Variants in ASB18 observed in about 807,000 individuals in gnomAD.
ASB18 encodes ankyrin repeat and SOCS box protein 18.
A neutral mutation model predicts 33.4 loss-of-function variants in ASB18; 33 were observed. That is an observed-to-expected ratio of 0.99 (90% CI 0.75 to 1.32). The LOEUF is 1.32. Ranked by LOEUF, ASB18 falls within the 40% of genes most tolerant of loss-of-function variation. The pLI, the probability that ASB18 is intolerant of heterozygous loss-of-function variation, is 0.00. For missense variants in ASB18, 694 were observed against 655.5 expected (o/e 1.06, Z -0.64); for synonymous variants, 295 against 307.6 (o/e 0.96, Z 0.43).
intron 4 of ASB18, among the ~76,000 whole-genome samples, chr2:236,212,411 G>A (rs1309469031): frequency 3.3e-5 from 5 of 152,170 alleles, no homozygotes; most frequent in Non-Finnish European, 1.5e-5. Context: ...CTGTGGGGCT[G>A]CCCCTAGGAT....
rs2060447945 is a variant in ASB18 at position 236,209,266 on chromosome 2, G to C, written c.1101+5096C>G. 1.4e-5 allele frequency among the ~76,000 whole-genome samples: 2 copies of C among 147,706 alleles called. No individual in the cohort carries two copies. Among genetic ancestry groups the C allele is most frequent in the Non-Finnish European group, 3.0e-5 (2 of 67,014 alleles). ...GACCAGAGATTTGCAGATGTTTCTA[G>C]AATCTGCTTTTTTTTTTTTTTTTTA... On this transcript the variant is annotated intron_variant, in intron 4 of 5. Transcript: ENST00000409749. The surrounding 1 kb of genome is among the most constrained non-coding windows in gnomAD (Gnocchi z 4.4).
chr2:236,237,881 C>T lies in ASB18; in HGVS notation c.404G>A (p.Cys135Tyr). ...CIAAAHGHTACVRHLLGRGAD... is the reference protein window; with the variant it reads ...CIAAAHGHTAYVRHLLGRGAD... Reference sequence around the variant, plus strand: ...GCCGCGGCCGAGCAGGTGTCGCACGCAGGCGGTGTGGCCGTGGGCCGCGGC... The same window carrying T: ...GCCGCGGCCGAGCAGGTGTCGCACGTAGGCGGTGTGGCCGTGGGCCGCGGC... The change falls in exon 3 of 6, where the codon TGC becomes TAC. Residue 135 changes from cysteine to tyrosine, a missense_variant. Physicochemically the swap from Cys to Tyr is radical, Grantham distance 194 (BLOSUM62 -2). Transcript: ENST00000409749. This position sits in a 1 kb window ranked among gnomAD's most constrained non-coding sequence, Gnocchi z 6.2. 6.7e-7 allele frequency: 1 copy of T among 1,489,524 alleles called. No individual in the cohort carries two copies. The highest frequency in any genetic ancestry group is 8.9e-7 in the Non-Finnish European group (1 of 1,127,512). The allele number at this position is 1,489,524 out of a possible 1,614,324, so 92.3% of individuals were successfully genotyped here.
intron 3 of ASB18, among the ~76,000 whole-genome samples, chr2:236,236,962 A>G (rs2060594535): frequency 1.3e-5 from 2 of 152,140 alleles, no homozygotes; most frequent in Admixed American, 1.3e-4. Context: ...GTGCAAAGAC[A>G]GGTGGCCCCG....
intron 4 of ASB18, among the ~76,000 whole-genome samples, chr2:236,206,993 T>C (rs1400887513): frequency 6.6e-6 from 1 of 152,196 alleles, no homozygotes; most frequent in Non-Finnish European, 1.5e-5. Flanking sequence ...CAGGTGCTGC[T>C]GGTGAAGCTA....
At position 236,255,377 on chromosome 2, in the gene ASB18, C is replaced by G. The variant is rs1009660581; in HGVS notation, c.205+8764G>C. 1.3e-5 allele frequency among the ~76,000 whole-genome samples: 2 copies of G among 152,156 alleles called. No homozygotes were observed. Among genetic ancestry groups the G allele is most frequent in the South Asian group, 2.1e-4 (1 of 4,830 alleles). The stretch of plus-strand genomic sequence containing the variant: ...CAGACTGGTCTTGAACTCCTGACCT[C>G]AGGTGATCTGCCCCCCTCGGCCTAT... On this transcript the variant is annotated intron_variant, in intron 1 of 5. Transcript: ENST00000409749. The surrounding 1 kb of genome is among the most constrained non-coding windows in gnomAD (Gnocchi z 4.4).
At position 236,204,867 on chromosome 2, in the gene ASB18, T is replaced by C. The variant is rs944575739; in HGVS notation, c.1102-8482A>G. 3.3e-5 allele frequency among the ~76,000 whole-genome samples: 5 copies of C among 152,174 alleles called. No homozygotes were observed. Among genetic ancestry groups the C allele is most frequent in the South Asian group, 4.1e-4 (2 of 4,824 alleles). Reference sequence around the variant, plus strand: ...CATAACCTGCCCCATTCCCAAGTGATAGCAAACTCATTCTTGCAGTCTCTT... The same window carrying C: ...CATAACCTGCCCCATTCCCAAGTGACAGCAAACTCATTCTTGCAGTCTCTT... On this transcript the variant is annotated intron_variant, in intron 4 of 5. Coordinates refer to ENST00000409749, the MANE Select transcript of ASB18 (RefSeq NM_212556.4). The surrounding 1 kb of genome is among the most constrained non-coding windows in gnomAD (Gnocchi z 5.1).
chr2:236,214,448 A>G lies in ASB18; in HGVS notation c.1015T>C (p.Cys339Arg). The change falls in exon 4 of 6, where the codon TGC becomes CGC. Residue 339 changes from cysteine to arginine, a missense_variant. Physicochemically the swap from Cys to Arg is radical, Grantham distance 180. Transcript: ENST00000409749. This position sits in a 1 kb window ranked among gnomAD's most constrained non-coding sequence, Gnocchi z 6.5. ...CGCTGCGGTGAGGCCTGGAGAGCGCAGGATGCGGTCTGGAGCACGCGGCCC... is the reference window on the plus strand; with the variant it reads ...CGCTGCGGTGAGGCCTGGAGAGCGCGGGATGCGGTCTGGAGCACGCGGCCC... ...PLGRVLQTAS[C>R]ALQASPQRTV... The G allele has an allele frequency of 6.5e-7, 1 of 1,540,028 alleles. No homozygotes were observed. Among genetic ancestry groups the G allele is most frequent in the East Asian group, 2.4e-5 (1 of 40,848 alleles).
intron 3 of ASB18, among the ~76,000 whole-genome samples, chr2:236,224,271 CCTT>C (rs1008493552): frequency 2.3e-4 from 31 of 137,356 alleles, no homozygotes; most frequent in African/African-American, 8.3e-4. Flanking sequence ...ATTTGCATGT[CCTT>C]GATGATTAAT....
At position 236,238,610 on chromosome 2, in the gene ASB18, G is replaced by GGGGTGTGTGTGTGTGT. The variant is rs1553601613; in HGVS notation, c.329-655_329-654insACACACACACACACCC. Among the ~76,000 whole-genome samples, 1 of 150,270 alleles carries GGGGTGTGTGTGTGTGT rather than the reference G, an allele frequency of 6.7e-6. No homozygotes were observed. Among genetic ancestry groups the GGGGTGTGTGTGTGTGT allele is most frequent in the African/African-American group, 2.5e-5 (1 of 40,770 alleles). On this transcript the variant is annotated intron_variant, in intron 2 of 5. Coordinates refer to ENST00000409749, the MANE Select transcript of ASB18 (RefSeq NM_212556.4). This position sits in a 1 kb window ranked among gnomAD's most constrained non-coding sequence, Gnocchi z 5.2. ...GGTTTGTTTCTTTGCGCTTTTTAGG[G>GGGGTGTGTGTGTGTGT]GTGTGTGTGTGTGTGTGTGTAGGGT...
Position 236,234,672 on chromosome 2 carries a change from A to AG in ASB18, c.596+3016dup, listed in dbSNP as rs1431345552. Among the ~76,000 whole-genome samples the AG allele has an allele frequency of 6.6e-6, 1 of 152,234 alleles. No homozygotes were observed. Among genetic ancestry groups the AG allele is most frequent in the Non-Finnish European group, 1.5e-5 (1 of 68,042 alleles). Reference sequence around the variant, plus strand: ...CAAAGACCGTTTGGTGGAGAAAGGAAGGGTTTAGATTCACAAATACTTATT... The same window carrying AG: ...CAAAGACCGTTTGGTGGAGAAAGGAAGGGGTTTAGATTCACAAATACTTATT... On this transcript the variant is annotated intron_variant, in intron 3 of 5. Coordinates refer to ENST00000409749, the MANE Select transcript of ASB18 (RefSeq NM_212556.4). This position sits in a 1 kb window ranked among gnomAD's most constrained non-coding sequence, Gnocchi z 4.1.
chr2:236,221,891 C>T lies in ASB18; in HGVS notation c.597-7025G>A, dbSNP rs1430370098. Among the ~76,000 whole-genome samples, 2 of 152,156 alleles carry T rather than the reference C, an allele frequency of 1.3e-5. No individual in the cohort carries two copies. The highest frequency in any genetic ancestry group is 2.1e-4 in the South Asian group (1 of 4,824). On this transcript the variant is annotated intron_variant, in intron 3 of 5. Coordinates refer to ENST00000409749, the MANE Select transcript of ASB18 (RefSeq NM_212556.4). The surrounding 1 kb of genome is among the most constrained non-coding windows in gnomAD (Gnocchi z 5.6). Reference sequence around the variant, plus strand: ...CTGCTTTTCCTCCTCAGAGATGACACGGAGGCAGATGGGCTAGAGACATGT... The same window carrying T: ...CTGCTTTTCCTCCTCAGAGATGACATGGAGGCAGATGGGCTAGAGACATGT...
intron 4 of ASB18, among the ~76,000 whole-genome samples, chr2:236,202,710 C>G (rs1433396347): frequency 7.0e-6 from 1 of 143,476 alleles, no homozygotes; most frequent in Non-Finnish European, 1.5e-5. Flanking sequence ...ACCCAGGAGG[C>G]AGAGGTTGCA....
chr2:236,243,102 G>A (rs1163200987), intron 1 of ASB18, among the ~76,000 whole-genome samples: 3 of 150,688 alleles, frequency 2.0e-5, no homozygotes, highest in African/African-American at 7.3e-5. Context: ...AGGCCGAGGC[G>A]GGTGGATCAC....
rs1432979689 is a variant in ASB18, at chr2:236,229,363, G to A, written c.596+8326C>T. On this transcript the variant is annotated intron_variant, in intron 3 of 5. Coordinates refer to ENST00000409749, the MANE Select transcript of ASB18 (RefSeq NM_212556.4). This position sits in a 1 kb window ranked among gnomAD's most constrained non-coding sequence, Gnocchi z 5.2. ...AGAGAGGCTGAGCAAAATGAACAGA[G>A]CATCAGTGAACTGTGGAACAATCTT... Among the ~76,000 whole-genome samples the A allele has an allele frequency of 6.6e-6, 1 of 152,138 alleles. No individual in the cohort carries two copies. The highest frequency in any genetic ancestry group is 6.6e-5 in the Admixed American group (1 of 15,250).
In ASB18 at chr2:236,204,700, C is replaced by G. The variant is rs985829666; in HGVS notation, c.1102-8315G>C. Among the ~76,000 whole-genome samples the G allele has an allele frequency of 3.3e-5, 5 of 152,076 alleles. No homozygotes were observed. Among genetic ancestry groups the G allele is most frequent in the African/African-American group, 1.2e-4 (5 of 41,406 alleles). On this transcript the variant is annotated intron_variant, in intron 4 of 5. Transcript: ENST00000409749. The surrounding 1 kb of genome is among the most constrained non-coding windows in gnomAD (Gnocchi z 5.1). ...AACCTGCTGTGCCACCCATAACCTG[C>G]CCCATTCCCAAGTGATAGCAAACTC...
intron 1 of ASB18, among the ~76,000 whole-genome samples, chr2:236,243,617 G>A (rs745839399): frequency 6.6e-6 from 1 of 152,026 alleles, no homozygotes; most frequent in Admixed American, 6.6e-5. Flanking sequence ...TGGTACCTGT[G>A]AGTTTCTTCC....
chr2:236,198,750 T>C (rs371147083), intron 4 of ASB18, among the ~76,000 whole-genome samples: 1 of 152,252 alleles, frequency 6.6e-6, no homozygotes, highest in Non-Finnish European at 1.5e-5. Context: ...TTGCTCATTT[T>C]TCTATTGGTG....
Position 236,209,273 on chromosome 2 carries a change from CTTTT to C in ASB18, c.1101+5085_1101+5088del, listed in dbSNP as rs200717235. On this transcript the variant is annotated intron_variant, in intron 4 of 5. Coordinates refer to ENST00000409749, the MANE Select transcript of ASB18 (RefSeq NM_212556.4). This position sits in a 1 kb window ranked among gnomAD's most constrained non-coding sequence, Gnocchi z 4.4. Reference sequence around the variant, plus strand: ...GATTTGCAGATGTTTCTAGAATCTGCTTTTTTTTTTTTTTTTTAAGACAAGGTCT... The same window carrying C: ...GATTTGCAGATGTTTCTAGAATCTGCTTTTTTTTTTTTTAAGACAAGGTCT... Among the ~76,000 whole-genome samples, 33 of 139,406 alleles carry C rather than the reference CTTTT, an allele frequency of 2.4e-4. No individual in the cohort carries two copies. The highest frequency in any genetic ancestry group is 8.3e-4 in the East Asian group (4 of 4,798). 91.5% of individuals were successfully genotyped at this position (139,406 alleles called of 152,430 possible). A position where few individuals can be genotyped will look rare whatever the true frequency, so the allele number is the denominator to read the frequency against.
Position 236,255,857 on chromosome 2 carries a change from T to TGAA in ASB18, c.205+8283_205+8284insTTC. ...CTTCCCTGTCCCACGTGCCATGCCT[T>TGAA]GGGTGCACTACGTTTCCTGCTCGCC... On this transcript the variant is annotated intron_variant, in intron 1 of 5. Transcript: ENST00000409749. The surrounding 1 kb of genome is among the most constrained non-coding windows in gnomAD (Gnocchi z 4.4). Among the ~76,000 whole-genome samples, 1 of 152,288 alleles carries TGAA rather than the reference T, an allele frequency of 6.6e-6. No homozygotes were observed. Among genetic ancestry groups the TGAA allele is most frequent in the Non-Finnish European group, 1.5e-5 (1 of 68,018 alleles).
Sources: gnomAD v4.1 joint callset for allele counts (sites outside exome capture counted in the v4.1 genomes callset) on GRCh38, gnomAD v4.1.1 for gene constraint, Gnocchi (gnomAD v3.1) non-coding constraint, MANE v1.5 for transcripts, NCBI Gene and HGNC (gene_info 2026-07-23, HGNC 2026-07-21) for gene names.